NSMAF: variants seen among roughly 807,000 people sequenced by gnomAD.
The protein encoded by NSMAF is protein FAN.
In NSMAF, 90 loss-of-function variants were observed where a neutral mutation model predicts 134.9. That is an observed-to-expected ratio of 0.67 (90% CI 0.56 to 0.79). The LOEUF (loss-of-function observed/expected upper bound fraction) is 0.79, where lower values mean the gene tolerates loss of function less well. Ranked by LOEUF, NSMAF falls within the 30% of genes least tolerant of loss-of-function variation. The probability of loss-of-function intolerance (pLI) is 0.00; values close to 1 mark genes in which losing one functional copy is unlikely to be tolerated. For missense variants in NSMAF, 1,010 were observed against 1,119.0 expected (o/e 0.90, Z 1.39); for synonymous variants, 358 against 389.6 (o/e 0.92, Z 0.96).
At position 58,597,553 on chromosome 8, in the gene NSMAF, T is replaced by C; in HGVS notation, c.1629-3A>G. The C allele has an allele frequency of 6.2e-7, 1 of 1,613,894 alleles. No individual in the cohort carries two copies. Among genetic ancestry groups the C allele is most frequent in the Admixed American group, 1.7e-5 (1 of 60,008 alleles). ...CCTTCTCATCAGGATCCTGGATGCT[T>C]TGGGACAGAACACAAATAATGCAGT... On this transcript the variant is annotated splice_region_variant and splice_polypyrimidine_tract_variant and intron_variant, in intron 20 of 30. Transcript: ENST00000038176.
chr8:58,593,666 G>A (rs1806069064), intron 23 of NSMAF, among the ~76,000 whole-genome samples: 1 of 152,132 alleles, frequency 6.6e-6, no homozygotes, highest in Non-Finnish European at 1.5e-5. Flanking sequence ...AGAGAACAAT[G>A]GTGTATATAG....
At chr8:58,587,178 G>C (rs549948608) in intron 27 of NSMAF, among the ~76,000 whole-genome samples, 13 of 152,194 alleles carry the variant, frequency 8.5e-5, no homozygotes, top group Non-Finnish European at 1.6e-4. Context: ...TGAGCCAACA[G>C]GCTGCATGTA....
chr8:58,595,598 G>C lies in NSMAF; in HGVS notation c.1854C>G (p.Thr618=). The C allele has an allele frequency of 1.9e-6, 3 of 1,613,964 alleles. No homozygotes were observed. Among genetic ancestry groups the C allele is most frequent in the Non-Finnish European group, 2.5e-6 (3 of 1,179,872 alleles). ...TATAGTGCTCGTGTAACTGCAGTTT[G>C]GTGATGTTATTCCAGGCCAGTGTTT... ...ESKTLAWNNI[T]KLQLHEHYKI... is the part of the protein sequence containing the mutation. The change falls in exon 22 of 31, where the codon ACC becomes ACG. Residue 618 remains threonine, a synonymous_variant. Coordinates refer to ENST00000038176, the MANE Select transcript of NSMAF (RefSeq NM_003580.4).
intron 19 of NSMAF, among the ~76,000 whole-genome samples, chr8:58,598,861 A>G (rs183101253): frequency 0.016 from 2,457 of 152,146 alleles, 23 homozygotes; most frequent in Middle Eastern, 0.037. Flanking sequence ...TCACGACCAA[A>G]AAAAATACAA....
intron 14 of NSMAF, 113 bp from the exon 15 acceptor site, chr8:58,601,648 T>C: frequency 7.4e-7 from 1 of 1,352,648 alleles, no homozygotes; most frequent in East Asian, 2.6e-5. Flanking sequence ...TATTCCTTAA[T>C]TTCTCTGTTA....
chr8:58,596,596 A>G (rs1216789815), intron 21 of NSMAF, among the ~76,000 whole-genome samples: 1 of 152,202 alleles, frequency 6.6e-6, no homozygotes, highest in Non-Finnish European at 1.5e-5. Flanking sequence ...AATGTTAAAT[A>G]AGTGAAATCC....
At chr8:58,643,847 T>A (rs1807387580) in intron 1 of NSMAF, among the ~76,000 whole-genome samples, 1 of 152,206 alleles carries the variant, frequency 6.6e-6, no homozygotes, top group Non-Finnish European at 1.5e-5. Flanking sequence ...CTTTAGATAT[T>A]CCCTTGTGAT....
intron 29 of NSMAF, 50 bp from the exon 30 acceptor site, chr8:58,585,811 A>G: frequency 6.3e-7 from 1 of 1,587,750 alleles, no homozygotes; most frequent in Non-Finnish European, 8.7e-7. Context: ...AAGGAAGGAT[A>G]TGTTGAACTG....
chr8:58,659,246 G>C lies in NSMAF; in HGVS notation c.59+327C>G, dbSNP rs1053000181. 2.7e-6 allele frequency: 4 copies of C among 1,503,664 alleles called. No individual in the cohort carries two copies. Among genetic ancestry groups the C allele is most frequent in the Non-Finnish European group, 3.5e-6 (4 of 1,133,984 alleles). 93.1% of individuals were successfully genotyped at this position (1,503,664 alleles called of 1,614,324 possible). On this transcript the variant is annotated intron_variant, in intron 1 of 30. Coordinates refer to ENST00000038176, the MANE Select transcript of NSMAF (RefSeq NM_003580.4). ...GTGCCGGGATCCACGCCCGGACCCC[G>C]CGCGGCCTTCCGGGTGAGCTGCCCG...
chr8:58,598,518 A>AAAAAG, intron 19 of NSMAF, among the ~76,000 whole-genome samples: 1 of 151,094 alleles, frequency 6.6e-6, no homozygotes, highest in African/African-American at 2.4e-5. Context: ...AAAAGAAAAA[A>AAAAAG]AAAAGAAAAG....
chr8:58,636,068 A>G (rs746004959), intron 2 of NSMAF, among the ~76,000 whole-genome samples: 3 of 152,238 alleles, frequency 2.0e-5, no homozygotes, highest in Non-Finnish European at 4.4e-5. Flanking sequence ...ATACCATTTC[A>G]TATCATTTTT....
rs1807161751 is a variant in NSMAF, at chr8:58,635,830, T to G, written c.150-284A>C. 3.9e-5 allele frequency among the ~76,000 whole-genome samples: 6 copies of G among 152,368 alleles called. No individual in the cohort carries two copies. The South Asian group carries it at 1.2e-3, about 32-fold the overall frequency. On this transcript the variant is annotated intron_variant, in intron 2 of 30. Coordinates refer to ENST00000038176, the MANE Select transcript of NSMAF (RefSeq NM_003580.4). The stretch of plus-strand genomic sequence containing the variant: ...TTTACAGCATCTATTGGCTAGAAAC[T>G]TAATGAATCCAGAAACATCACACTG...
At chr8:58,599,107 G>A (rs1806212654) in intron 19 of NSMAF, 125 bp downstream of exon 19, 11 of 889,698 alleles carry the variant, frequency 1.2e-5, no homozygotes, top group Non-Finnish European at 1.7e-5. Context: ...TTCCACTGAA[G>A]AAATAAGACT....
At chr8:58,601,369 G>T (rs776139294) in intron 15 of NSMAF, 21 bp from the exon 16 acceptor site, 1 of 1,612,682 alleles carries the variant, frequency 6.2e-7, no homozygotes. Flanking sequence ...AAAAGTCAGA[G>T]GTAAGTCAGG....
intron 23 of NSMAF, among the ~76,000 whole-genome samples, chr8:58,591,217 G>A (rs1231053423): frequency 6.6e-6 from 1 of 152,156 alleles, no homozygotes; most frequent in Admixed American, 6.5e-5. Context: ...AGGCAGAAAT[G>A]TGGTAGCTGG....
At position 58,585,935 on chromosome 8, in the gene NSMAF, T is replaced by C. The variant is rs763356141; in HGVS notation, c.2512A>G (p.Met838Val). Reference sequence around the variant, plus strand: ...TCTGATGTCATGGAGGAGATGAGCATTCCTGTCTGCACATCAATGACATTA... The same window carrying C: ...TCTGATGTCATGGAGGAGATGAGCACTCCTGTCTGCACATCAATGACATTA... ...CLNVIDVQTG[M>V]LISSMTSDEP... The change falls in exon 29 of 31, where the codon ATG (methionine) becomes GTG (valine). Residue 838 changes from methionine to valine, a missense_variant. Transcript: ENST00000038176. 6.2e-7 allele frequency: 1 copy of C among 1,614,066 alleles called. No homozygotes were observed. The highest frequency in any genetic ancestry group is 2.2e-5 in the East Asian group (1 of 44,882).
intron 16 of NSMAF, 55 bp downstream of exon 16, chr8:58,601,230 G>A: frequency 1.5e-6 from 2 of 1,376,482 alleles, no homozygotes; most frequent in Non-Finnish European, 2.1e-6. Context: ...CAAGTATGTT[G>A]TATATATACA....
chr8:58,608,408 G>C (rs1806455798), intron 10 of NSMAF, among the ~76,000 whole-genome samples: 1 of 152,164 alleles, frequency 6.6e-6, no homozygotes, highest in Non-Finnish European at 1.5e-5. Flanking sequence ...AGAGAGAAAG[G>C]AGGTTTAAAA....
At chr8:58,590,189 T>A in intron 24 of NSMAF, 115 bp from the exon 25 acceptor site, 1 of 843,822 alleles carries the variant, frequency 1.2e-6, no homozygotes, top group Non-Finnish European at 1.9e-6. Context: ...TTTATGTGGC[T>A]CTCCTCCTAT....
Sources: allele counts gnomAD v4.1 joint callset (sites outside exome capture counted in the v4.1 genomes callset), GRCh38; gene constraint gnomAD v4.1.1; transcripts MANE v1.5; gene names NCBI Gene and HGNC (gene_info 2026-07-23, HGNC 2026-07-21).